The following FAM185A variants were observed in gnomAD, a reference collection of about 807,000 sequenced individuals.
FAM185A encodes protein FAM185A.
In FAM185A, 21 loss-of-function variants were observed where a neutral mutation model predicts 45.7. The ratio of observed to expected loss-of-function variants is 0.46; its 90% CI spans 0.33 to 0.66. The LOEUF is 0.66. Among genes scored for constraint, FAM185A ranks in the 30% least tolerant of loss-of-function variants. FAM185A has a pLI of 0.03. For synonymous variants in FAM185A, 117 were observed against 194.0 expected, an observed-to-expected ratio of 0.60 and a Z score of 3.30; for missense variants, 305 against 485.4, an observed-to-expected ratio of 0.63 and a Z score of 3.49.
chr7:102,793,052 G>T (rs1322600260), intron 7 of FAM185A, among the ~76,000 whole-genome samples: 1 of 152,168 alleles, frequency 6.6e-6, no homozygotes, highest in Non-Finnish European at 1.5e-5. Flanking sequence ...ACATGAATTT[G>T]TCAGCAATGT....
chr7:102,803,318 A>G (rs1053042336), intron 7 of FAM185A, among the ~76,000 whole-genome samples: 1 of 152,214 alleles, frequency 6.6e-6, no homozygotes, highest in Non-Finnish European at 1.5e-5. Flanking sequence ...CAACATATCA[A>G]AAAGACAATC....
At chr7:102,754,204 A>AT (rs10651309) in intron 2 of FAM185A, among the ~76,000 whole-genome samples, 4 of 147,286 alleles carry the variant, frequency 2.7e-5, no homozygotes, top group South Asian at 2.2e-4. Flanking sequence ...AATAAAAAAA[A>AT]TTTTTTTTTT....
At chr7:102,822,430 A>G in the FAM185A span, 6 of 650,016 alleles carry the variant, frequency 9.2e-6, no homozygotes, top group South Asian at 3.0e-5. Context: ...AGATGCCTCC[A>G]TTCTTGCTAT....
chr7:102,784,272 C>A (rs1795624027), intron 6 of FAM185A, among the ~76,000 whole-genome samples: 1 of 151,610 alleles, frequency 6.6e-6, no homozygotes, highest in South Asian at 2.1e-4. Flanking sequence ...GGAGCTGGTA[C>A]CATTCCTTCT....
chr7:102,756,695 G>C (rs1793765066), intron 2 of FAM185A, among the ~76,000 whole-genome samples: 1 of 145,328 alleles, frequency 6.9e-6, no homozygotes, highest in Non-Finnish European at 1.5e-5. Context: ...ACATCTAATG[G>C]CTCATATATA....
At chr7:102,834,390 A>G in the FAM185A span, among the ~76,000 whole-genome samples, 1 of 147,162 alleles carries the variant, frequency 6.8e-6, no homozygotes, top group East Asian at 1.9e-4. Flanking sequence ...TTATATATAT[A>G]TATATTATAT....
At chr7:102,821,161 T>C in the FAM185A span, among the ~76,000 whole-genome samples, 2 of 152,208 alleles carry the variant, frequency 1.3e-5, no homozygotes, top group Non-Finnish European at 2.9e-5. Flanking sequence ...CCCTATTTCA[T>C]TGTATATCCT....
chr7:102,811,974 A>G (rs548059357), downstream of FAM185A, among the ~76,000 whole-genome samples: 7 of 152,220 alleles, frequency 4.6e-5, no homozygotes, highest in African/African-American at 1.7e-4. Context: ...ACTTTGTACA[A>G]TCTTTTTAAA....
At chr7:102,771,673 G>C (rs1333937328) in intron 4 of FAM185A, among the ~76,000 whole-genome samples, 2 of 152,064 alleles carry the variant, frequency 1.3e-5, no homozygotes, top group Non-Finnish European at 2.9e-5. Flanking sequence ...TTTTAGAAGA[G>C]ATAACATTAT....
chr7:102,754,749 GACC>G (rs1337576135), intron 2 of FAM185A, among the ~76,000 whole-genome samples: 2 of 152,216 alleles, frequency 1.3e-5, no homozygotes, highest in African/African-American at 2.4e-5. Flanking sequence ...CATATGGTAA[GACC>G]ACATTTGTAC....
chr7:102,807,586 A>T (rs1237252557), intron 7 of FAM185A, among the ~76,000 whole-genome samples: 1 of 152,172 alleles, frequency 6.6e-6, no homozygotes. Context: ...GCTGGTCCCA[A>T]GCATTTTAGA....
At chr7:102,771,147 G>T (rs1794719631) in intron 4 of FAM185A, among the ~76,000 whole-genome samples, 1 of 152,058 alleles carries the variant, frequency 6.6e-6, no homozygotes. Flanking sequence ...CTATAAGTGG[G>T]GGGTAAACAT....
the FAM185A span, chr7:102,832,746 G>T: frequency 1.4e-6 from 2 of 1,392,466 alleles, no homozygotes; most frequent in South Asian, 3.6e-5. Context: ...ATGGCAAAGA[G>T]AACATATTCT....
At chr7:102,841,241 A>G in the FAM185A span, among the ~76,000 whole-genome samples, 2 of 151,680 alleles carry the variant, frequency 1.3e-5, no homozygotes, top group African/African-American at 4.8e-5. Context: ...CCTTCAGACA[A>G]TCTGACAGTT....
At chr7:102,790,717 A>G (rs1328791934) in intron 7 of FAM185A, among the ~76,000 whole-genome samples, 1 of 152,242 alleles carries the variant, frequency 6.6e-6, no homozygotes, top group Non-Finnish European at 1.5e-5. Context: ...TTCCAAGTCA[A>G]TACATGCAGA....
the FAM185A span, among the ~76,000 whole-genome samples, chr7:102,828,945 T>C: frequency 0.011 from 1,664 of 152,250 alleles, 36 homozygotes; most frequent in African/African-American, 0.038. Flanking sequence ...CTTTTGTAGA[T>C]TGTCATTCTC....
At chr7:102,793,913 C>T (rs1796287980) in intron 7 of FAM185A, among the ~76,000 whole-genome samples, 1 of 151,422 alleles carries the variant, frequency 6.6e-6, no homozygotes, top group South Asian at 2.1e-4. Flanking sequence ...GTGGCGGGTG[C>T]CTGAAATCCC....
chr7:102,816,666 G>T, the FAM185A span, among the ~76,000 whole-genome samples: 1 of 152,216 alleles, frequency 6.6e-6, no homozygotes, highest in South Asian at 2.1e-4. Context: ...TTGTTATGTG[G>T]GTATATTACA....
chr7:102,846,174 C>T, the FAM185A span, among the ~76,000 whole-genome samples: 2 of 152,078 alleles, frequency 1.3e-5, no homozygotes, highest in Non-Finnish European at 2.9e-5. Context: ...TCTGCCTAAC[C>T]CACTAAACCT....
Sources: gnomAD v4.1 joint callset for allele counts (sites outside exome capture counted in the v4.1 genomes callset) on GRCh38, gnomAD v4.1.1 for gene constraint, MANE v1.5 for transcripts, NCBI Gene and HGNC (gene_info 2026-07-23, HGNC 2026-07-21) for gene names.